CNTN5: variants seen among roughly 807,000 people sequenced by gnomAD.
CNTN5 encodes contactin 5, also known as contactin-5.
In CNTN5, 77 loss-of-function variants were observed where a neutral mutation model predicts 129.1. The observed-to-expected ratio is 0.60, with a 90% CI of 0.50 to 0.72. CNTN5 has a LOEUF of 0.72. Ranked by LOEUF, CNTN5 falls within the 30% of genes least tolerant of loss-of-function variation. The pLI, the probability that CNTN5 is intolerant of heterozygous loss-of-function variation, is 0.00. For synonymous variants in CNTN5, 509 were observed against 465.6 expected, an observed-to-expected ratio of 1.09 and a Z score of -1.20; for missense variants, 1,478 against 1,328.8, an observed-to-expected ratio of 1.11 and a Z score of -1.75.
chr11:99,882,513 A>G (rs896669053), intron 6 of CNTN5, among the ~76,000 whole-genome samples: 8 of 152,192 alleles, frequency 5.3e-5, no homozygotes, highest in Non-Finnish European at 1.2e-4. Flanking sequence ...AGTAAATCTG[A>G]ACACAATTTT....
intron 13 of CNTN5, among the ~76,000 whole-genome samples, chr11:100,133,013 T>G (rs1368015159): frequency 1.3e-5 from 2 of 152,098 alleles, no homozygotes; most frequent in South Asian, 2.1e-4. Flanking sequence ...TTTATAAAAA[T>G]AGCAGAACAG....
intron 13 of CNTN5, among the ~76,000 whole-genome samples, chr11:100,180,107 A>G (rs1017046240): frequency 2.0e-4 from 31 of 152,044 alleles, no homozygotes; most frequent in African/African-American, 7.5e-4. Context: ...CATTAACAGA[A>G]AATACAATTA....
At chr11:99,767,783 T>G (rs1944805574) in intron 3 of CNTN5, among the ~76,000 whole-genome samples, 1 of 152,094 alleles carries the variant, frequency 6.6e-6, no homozygotes, top group African/African-American at 2.4e-5. Context: ...AAATAAAGAC[T>G]ACATGAATTC....
intron 1 of CNTN5, among the ~76,000 whole-genome samples, chr11:99,270,235 T>A (rs1420450110): frequency 1.3e-5 from 2 of 151,932 alleles, no homozygotes; most frequent in East Asian, 3.9e-4. Flanking sequence ...AATACATGTA[T>A]TAAGTAATTT....
chr11:99,253,832 A>C (rs1235126705), intron 1 of CNTN5, among the ~76,000 whole-genome samples: 3 of 150,516 alleles, frequency 2.0e-5, no homozygotes, highest in South Asian at 4.2e-4. Flanking sequence ...CTCATTAACT[A>C]TAATAGTTTA....
chr11:100,317,591 G>C (rs1044988167), intron 21 of CNTN5, among the ~76,000 whole-genome samples: 1 of 151,886 alleles, frequency 6.6e-6, no homozygotes, highest in Non-Finnish European at 1.5e-5. Context: ...TTCTTTCTTG[G>C]CTTATTTTCA....
intron 1 of CNTN5, among the ~76,000 whole-genome samples, chr11:99,051,333 G>A (rs1277810746): frequency 6.6e-6 from 1 of 151,862 alleles, no homozygotes; most frequent in Admixed American, 6.6e-5. Flanking sequence ...TAACTGAATC[G>A]TTAATGCCAT....
At chr11:100,196,811 T>A (rs1017822655) in intron 15 of CNTN5, among the ~76,000 whole-genome samples, 3 of 151,964 alleles carry the variant, frequency 2.0e-5, no homozygotes, top group African/African-American at 7.2e-5. Context: ...CAAATCCTTT[T>A]TTTTGGCAAA....
chr11:100,145,318 T>C (rs919246327), intron 13 of CNTN5, among the ~76,000 whole-genome samples: 1 of 152,146 alleles, frequency 6.6e-6, no homozygotes. Context: ...CAATTATATA[T>C]GTCTTTATTG....
intron 2 of CNTN5, among the ~76,000 whole-genome samples, chr11:99,329,429 G>A (rs896686493): frequency 6.6e-6 from 1 of 152,158 alleles, no homozygotes; most frequent in East Asian, 1.9e-4. Flanking sequence ...ATTTTCTGGA[G>A]TAAGTTTTGA....
intron 9 of CNTN5, among the ~76,000 whole-genome samples, chr11:100,019,903 C>T (rs1441362754): frequency 1.3e-5 from 2 of 151,962 alleles, no homozygotes; most frequent in Non-Finnish European, 2.9e-5. Context: ...GGTGATACCA[C>T]ATTGTGGTTT....
intron 9 of CNTN5, among the ~76,000 whole-genome samples, chr11:100,013,825 A>G (rs1012862566): frequency 2.0e-5 from 3 of 152,180 alleles, no homozygotes; most frequent in African/African-American, 7.2e-5. Context: ...TTGCTTGAAT[A>G]TCTTTGTTTG....
chr11:99,382,793 A>C (rs1250881528), intron 2 of CNTN5, among the ~76,000 whole-genome samples: 1 of 145,714 alleles, frequency 6.9e-6, no homozygotes, highest in African/African-American at 2.6e-5. Context: ...TTTCATTCGC[A>C]CACAAGTCAG....
intron 3 of CNTN5, among the ~76,000 whole-genome samples, chr11:99,595,393 C>A (rs947145785): frequency 6.6e-6 from 1 of 151,840 alleles, no homozygotes; most frequent in East Asian, 1.9e-4. Flanking sequence ...TATGTATTTC[C>A]TTAGTACCAA....
At chr11:99,758,764 G>T (rs1277249339) in intron 3 of CNTN5, among the ~76,000 whole-genome samples, 1 of 152,012 alleles carries the variant, frequency 6.6e-6, no homozygotes, top group Non-Finnish European at 1.5e-5. Context: ...TTTTGAGGAA[G>T]AGGAAATAGT....
chr11:100,190,612 G>A (rs955896406), intron 13 of CNTN5, among the ~76,000 whole-genome samples: 9 of 152,034 alleles, frequency 5.9e-5, no homozygotes, highest in Admixed American at 1.3e-4. Flanking sequence ...GTATCAGGTT[G>A]CATTTTCATA....
rs1390151406 is a variant in CNTN5 at position 99,033,256 on chromosome 11, T to G, written c.-210+11986T>G. Among the ~76,000 whole-genome samples, 907 of 151,790 alleles carry G rather than the reference T, an allele frequency of 6.0e-3. 11 individuals carry two copies. Among genetic ancestry groups the G allele is most frequent in the African/African-American group, 0.021 (875 of 41,266 alleles). On this transcript the variant is annotated intron_variant, in intron 1 of 24. Transcript: ENST00000524871. The stretch of plus-strand genomic sequence containing the variant: ...GGATTGACTTGGCAATGCGGGCTCT[T>G]TTTTGGTTCCATATGAACTTTAAAG...
intron 1 of CNTN5, among the ~76,000 whole-genome samples, chr11:99,028,151 G>A (rs1040830768): frequency 6.6e-6 from 1 of 151,748 alleles, no homozygotes; most frequent in Non-Finnish European, 1.5e-5. Flanking sequence ...TTGAAGTTAA[G>A]TGATCCAGAA....
intron 18 of CNTN5, among the ~76,000 whole-genome samples, chr11:100,283,960 T>A (rs900458094): frequency 4.6e-5 from 7 of 151,960 alleles, no homozygotes; most frequent in Admixed American, 6.6e-5. Context: ...AAATAAAAAA[T>A]TTAAATAAAT....
Sources: allele counts gnomAD v4.1 joint callset (sites outside exome capture counted in the v4.1 genomes callset), GRCh38; gene constraint gnomAD v4.1.1; transcripts MANE v1.5; gene names NCBI Gene and HGNC (gene_info 2026-07-23, HGNC 2026-07-21).